GRID2: variants seen among roughly 807,000 people sequenced by gnomAD.
GRID2 encodes glutamate receptor ionotropic, delta-2.
In GRID2, 33 loss-of-function variants were observed where a neutral mutation model predicts 114.8. The observed-to-expected ratio is 0.29, with a 90% confidence interval of 0.22 to 0.38. The LOEUF (loss-of-function observed/expected upper bound fraction) is 0.38, where lower values mean the gene tolerates loss of function less well. GRID2 is among the 10% of genes least tolerant of loss of function. The pLI, the probability that GRID2 is intolerant of heterozygous loss-of-function variation, is 1.00. For synonymous variants in GRID2, 505 were observed against 449.9 expected, an observed-to-expected ratio of 1.12 and a Z score of -1.55; for missense variants, 1,184 against 1,257.7, an observed-to-expected ratio of 0.94 and a Z score of 0.89.
intron 13 of GRID2, among the ~76,000 whole-genome samples, chr4:93,581,303 T>A (rs1013962956): frequency 6.6e-6 from 1 of 152,162 alleles, no homozygotes; most frequent in Non-Finnish European, 1.5e-5. Flanking sequence ...TGGGGCTTAT[T>A]ATAAATGGTT....
chr4:93,567,514 A>C (rs969832426), intron 13 of GRID2, among the ~76,000 whole-genome samples: 6 of 152,238 alleles, frequency 3.9e-5, no homozygotes, highest in African/African-American at 1.4e-4. Flanking sequence ...ATTTGTGAAC[A>C]TGAAGGCATA....
intron 2 of GRID2, among the ~76,000 whole-genome samples, chr4:92,911,334 T>C (rs1382790899): frequency 6.6e-6 from 1 of 152,028 alleles, no homozygotes; most frequent in Admixed American, 6.6e-5. Context: ...GTGTTCTACT[T>C]ACCTTTTCTT....
chr4:92,329,993 A>AGAGAGAG (rs1726794751), intron 1 of GRID2, among the ~76,000 whole-genome samples: 13 of 132,492 alleles, frequency 9.8e-5, no homozygotes, highest in African/African-American at 3.2e-4. Flanking sequence ...TATGGGAGGA[A>AGAGAGAG]AGAGAGAGAG....
intron 13 of GRID2, among the ~76,000 whole-genome samples, chr4:93,562,857 A>C (rs1735053228): frequency 6.6e-6 from 1 of 151,996 alleles, no homozygotes; most frequent in African/African-American, 2.4e-5. Flanking sequence ...ATGTGAGTCT[A>C]TATCTGGGCT....
intron 8 of GRID2, among the ~76,000 whole-genome samples, chr4:93,352,254 A>G (rs189822293): frequency 6.6e-6 from 1 of 152,012 alleles, no homozygotes; most frequent in Non-Finnish European, 1.5e-5. Flanking sequence ...GTTAATAACT[A>G]TATTCAAATA....
At chr4:92,458,008 A>G (rs1721300571) in intron 1 of GRID2, among the ~76,000 whole-genome samples, 1 of 152,200 alleles carries the variant, frequency 6.6e-6, no homozygotes. Context: ...ACATAAAGGG[A>G]AGTGATTAAA....
chr4:93,494,870 G>T (rs1011384748), intron 12 of GRID2, among the ~76,000 whole-genome samples: 2 of 151,778 alleles, frequency 1.3e-5, no homozygotes, highest in African/African-American at 2.4e-5. Flanking sequence ...AGCATGTGAA[G>T]CTTTGAAGGT....
Position 93,126,684 on chromosome 4 carries a change from G to A in GRID2, c.735+15731G>A, listed in dbSNP as rs112321253. 4.2e-3 allele frequency among the ~76,000 whole-genome samples: 506 copies of A among 121,824 alleles called. 4 individuals are homozygous for A. The highest frequency in any genetic ancestry group is 0.015 in the African/African-American group (483 of 31,512). The allele number at this position is 121,824 out of a possible 152,430, so 79.9% of individuals were successfully genotyped here. A position where few individuals can be genotyped will look rare whatever the true frequency, so the allele number is the denominator to read the frequency against. On this transcript the variant is annotated intron_variant, in intron 4 of 15. Coordinates refer to ENST00000282020, the MANE Select transcript of GRID2 (RefSeq NM_001510.4). ...GCGATCTCGGCTCACTGCAAGCTCC[G>A]CCTCCCAGGTTCACGCCATTCTCCT...
chr4:93,483,447 A>T (rs1331054187), intron 11 of GRID2, among the ~76,000 whole-genome samples: 5 of 151,964 alleles, frequency 3.3e-5, no homozygotes, highest in Non-Finnish European at 5.9e-5. Context: ...AAATGTTGTG[A>T]GTGTTTAAAC....
chr4:93,768,802 C>T (rs1021053859), intron 14 of GRID2, among the ~76,000 whole-genome samples: 5 of 152,160 alleles, frequency 3.3e-5, no homozygotes, highest in African/African-American at 1.2e-4. Flanking sequence ...TCCTGAGTAT[C>T]ATTCTGGATG....
intron 2 of GRID2, among the ~76,000 whole-genome samples, chr4:92,842,336 T>C (rs993790603): frequency 6.6e-5 from 10 of 152,148 alleles, no homozygotes; most frequent in African/African-American, 2.4e-4. Flanking sequence ...CCATCTACTA[T>C]AGGAGAGAAC....
At chr4:93,525,833 T>C (rs888498588) in intron 13 of GRID2, among the ~76,000 whole-genome samples, 4 of 152,148 alleles carry the variant, frequency 2.6e-5, no homozygotes, top group Admixed American at 6.5e-5. Context: ...CCAAAGGATT[T>C]TCCAGCTTTC....
At chr4:93,201,057 A>G (rs950647592) in intron 4 of GRID2, among the ~76,000 whole-genome samples, 4 of 152,222 alleles carry the variant, frequency 2.6e-5, no homozygotes, top group Non-Finnish European at 5.9e-5. Flanking sequence ...TAATTTGTTC[A>G]AAGTCACACT....
At chr4:92,894,116 G>A (rs1206892286) in intron 2 of GRID2, among the ~76,000 whole-genome samples, 1 of 152,098 alleles carries the variant, frequency 6.6e-6, no homozygotes, top group African/African-American at 2.4e-5. Context: ...TTTTTACTAG[G>A]CATTTAACAA....
intron 2 of GRID2, among the ~76,000 whole-genome samples, chr4:92,649,976 A>C (rs576997798): frequency 1.3e-5 from 2 of 152,174 alleles, no homozygotes; most frequent in East Asian, 1.9e-4. Flanking sequence ...TAACTCCATC[A>C]TAAGTTGAGG....
At chr4:92,605,132 T>C (rs558589619) in intron 2 of GRID2, among the ~76,000 whole-genome samples, 50 of 152,226 alleles carry the variant, frequency 3.3e-4, no homozygotes, top group Middle Eastern at 3.4e-3. Context: ...GTGAGTCTAT[T>C]AAATCTCTTT....
intron 11 of GRID2, 93 bp downstream of exon 11, chr4:93,456,067 A>G: frequency 2.7e-6 from 2 of 745,020 alleles, no homozygotes; most frequent in South Asian, 3.3e-5. Context: ...TGTATCTGAC[A>G]TCAATAAGTG....
chr4:93,157,532 CAT>C (rs1340353709), intron 4 of GRID2, among the ~76,000 whole-genome samples: 7 of 151,682 alleles, frequency 4.6e-5, no homozygotes, highest in Non-Finnish European at 8.8e-5. Flanking sequence ...CTTCGACATG[CAT>C]ATGTCTTTCA....
intron 8 of GRID2, among the ~76,000 whole-genome samples, chr4:93,393,359 A>T (rs1280994899): frequency 6.6e-6 from 1 of 151,980 alleles, no homozygotes; most frequent in Non-Finnish European, 1.5e-5. Context: ...CGGAAAAAAA[A>T]GGAGAACACA....
Sources: allele counts gnomAD v4.1 joint callset (sites outside exome capture counted in the v4.1 genomes callset), GRCh38; gene constraint gnomAD v4.1.1; transcripts MANE v1.5; gene names NCBI Gene and HGNC (gene_info 2026-07-23, HGNC 2026-07-21).